Variants in ARMC3 observed in about 807,000 individuals in gnomAD.
The protein encoded by ARMC3 is armadillo repeat-containing protein 3.
ARMC3 carries 74 observed loss-of-function variants against 90.3 expected under a neutral mutation model. The observed-to-expected ratio is 0.82, with a 90% CI of 0.68 to 0.99. ARMC3 has a LOEUF of 0.99. ARMC3 is among the 50% of genes least tolerant of loss of function. ARMC3 has a pLI of 0.00. For synonymous variants in ARMC3, 334 were observed against 361.8 expected, an observed-to-expected ratio of 0.92 and a Z score of 0.87; for missense variants, 958 against 1,042.8, an observed-to-expected ratio of 0.92 and a Z score of 1.12.
chr10:22,981,593 A>G lies in ARMC3; in HGVS notation c.1070-2A>G. The G allele has an allele frequency of 6.2e-7, 1 of 1,614,030 alleles. No individual in the cohort carries two copies. Among genetic ancestry groups the G allele is most frequent in the Non-Finnish European group, 8.5e-7 (1 of 1,179,922 alleles). ...CACATTTTTACCTTTCTCTTTCTGT[A>G]GGGATTCCACAGTTAATTCAGTTGC... On this transcript the variant is annotated splice_acceptor_variant, in intron 9 of 18. Coordinates refer to ENST00000298032, the MANE Select transcript of ARMC3 (RefSeq NM_173081.5). LOFTEE classifies it high-confidence loss of function.
chr10:23,012,392 CAGG>C lies in ARMC3; in HGVS notation c.2045+3464_2045+3466del, dbSNP rs1838057293. 2.6e-5 allele frequency among the ~76,000 whole-genome samples: 4 copies of C among 152,096 alleles called. 1 individual carries two copies. The South Asian group carries it at 8.3e-4, about 32-fold the overall frequency. ...CAATACCGTAAATATCAATGTTCTC[CAGG>C]AGTAGTACTCCTGTTCCTACTCTCC... On this transcript the variant is annotated intron_variant, in intron 16 of 18. Coordinates refer to ENST00000298032, the MANE Select transcript of ARMC3 (RefSeq NM_173081.5).
At chr10:22,983,129 C>CA (rs1168486417) in intron 10 of ARMC3, among the ~76,000 whole-genome samples, 3 of 150,680 alleles carry the variant, frequency 2.0e-5, no homozygotes, top group Admixed American at 6.6e-5. Context: ...TCACATGGTG[C>CA]AAAAAAAAAT....
At chr10:22,934,239 G>A (rs1049749037) in intron 2 of ARMC3, among the ~76,000 whole-genome samples, 1 of 152,172 alleles carries the variant, frequency 6.6e-6, no homozygotes, top group African/African-American at 2.4e-5. Flanking sequence ...AATAAAGACA[G>A]TAAGAAAAGT....
intron 16 of ARMC3, among the ~76,000 whole-genome samples, chr10:23,017,449 A>G (rs1838323939): frequency 6.6e-6 from 1 of 152,178 alleles, no homozygotes; most frequent in Admixed American, 6.6e-5. Context: ...AGTGTAACAG[A>G]TGCTCAATAT....
intron 17 of ARMC3, among the ~76,000 whole-genome samples, chr10:23,031,975 G>A (rs1259415919): frequency 6.6e-6 from 1 of 152,114 alleles, no homozygotes; most frequent in Non-Finnish European, 1.5e-5. Context: ...ATTTGGGCCA[G>A]GCACGCTAGC....
chr10:22,932,255 A>G (rs1015495982), intron 2 of ARMC3, among the ~76,000 whole-genome samples: 1 of 152,212 alleles, frequency 6.6e-6, no homozygotes, highest in Non-Finnish European at 1.5e-5. Flanking sequence ...ATTAGAGAGT[A>G]ATTATTAGCT....
intron 11 of ARMC3, among the ~76,000 whole-genome samples, chr10:23,000,914 C>G (rs1837253208): frequency 6.6e-6 from 1 of 152,074 alleles, no homozygotes; most frequent in African/African-American, 2.4e-5. Flanking sequence ...AGAACTCTGC[C>G]CAATCTTTTT....
chr10:22,944,338 C>T (rs1038992449), intron 2 of ARMC3, among the ~76,000 whole-genome samples: 1 of 152,122 alleles, frequency 6.6e-6, no homozygotes, highest in African/African-American at 2.4e-5. Context: ...ATTTTATCCA[C>T]CATAAACAAA....
chr10:23,036,921 A>T (rs959317173), intron 18 of ARMC3, among the ~76,000 whole-genome samples: 5 of 152,212 alleles, frequency 3.3e-5, no homozygotes, highest in Admixed American at 3.3e-4. Flanking sequence ...TTTCACAGCC[A>T]GGGAGAGCCC....
chr10:22,973,571 A>C (rs1835767965), intron 8 of ARMC3, among the ~76,000 whole-genome samples: 1 of 151,090 alleles, frequency 6.6e-6, no homozygotes, highest in Non-Finnish European at 1.5e-5. Context: ...CTGAATAGAC[A>C]AAAAGATATA....
chr10:22,959,708 T>C, intron 6 of ARMC3, 134 bp downstream of exon 6: 3 of 865,076 alleles, frequency 3.5e-6, no homozygotes, highest in Non-Finnish European at 5.3e-6. Flanking sequence ...GTATTTATCA[T>C]TCAGAGAAAA....
Position 22,959,447 on chromosome 10 carries a change from C to G in ARMC3, c.410C>G (p.Ser137Cys), listed in dbSNP as rs1448511758. Reference sequence around the variant, plus strand: ...GCTAGTCTTTGTCTAGCAAACATGTCTGCAGAGTACACCAGTAAAGTGCAA... The same window carrying G: ...GCTAGTCTTTGTCTAGCAAACATGTGTGCAGAGTACACCAGTAAAGTGCAA... ...EFASLCLANM[S>C]AEYTSKVQIF... The change falls in exon 6 of 19, where the codon TCT becomes TGT. Residue 137 changes from serine to cysteine, a missense_variant. Coordinates refer to ENST00000298032, the MANE Select transcript of ARMC3 (RefSeq NM_173081.5). 1 of 1,613,172 alleles carries G rather than the reference C, an allele frequency of 6.2e-7. No homozygotes were observed. Among genetic ancestry groups the G allele is most frequent in the African/African-American group, 1.3e-5 (1 of 74,968 alleles).
chr10:23,030,621 G>C lies in ARMC3; in HGVS notation c.2071G>C (p.Glu691Gln). The change falls in exon 17 of 19, where the codon GAA (glutamate) becomes CAA (glutamine). Residue 691 changes from glutamate to glutamine, a missense_variant. Physicochemically the swap from Glu to Gln is conservative, Grantham distance 29. Coordinates refer to ENST00000298032, the MANE Select transcript of ARMC3 (RefSeq NM_173081.5). ...WRKSKGKKEE[E>Q]KVKEEEEVMV... ...GAAAAGCAAAGGAAAAAAAGAAGAGGAAAAAGTGAAAGAGGAGGAAGAGGT... is the reference window on the plus strand; with the variant it reads ...GAAAAGCAAAGGAAAAAAAGAAGAGCAAAAAGTGAAAGAGGAGGAAGAGGT... The C allele has an allele frequency of 2.5e-6, 4 of 1,613,360 alleles. No homozygotes were observed. Among genetic ancestry groups the C allele is most frequent in the Non-Finnish European group, 3.4e-6 (4 of 1,179,676 alleles).
rs181354841 is a variant in ARMC3, at chr10:22,964,045, T to C, written c.732+1967T>C. ...TCTTAAGAAGACTACAGAAACTTAC[T>C]AGAACTAATAAATAGATCTATCGAG... is the stretch of plus-strand genomic sequence containing the variant. On this transcript the variant is annotated intron_variant, in intron 7 of 18. Coordinates refer to ENST00000298032, the MANE Select transcript of ARMC3 (RefSeq NM_173081.5). Among the ~76,000 whole-genome samples the C allele has an allele frequency of 7.8e-4, 118 of 151,528 alleles. 3 individuals carry two copies. Among genetic ancestry groups the C allele is most frequent in the Admixed American group, 7.8e-3 (118 of 15,168 alleles).
At chr10:22,973,670 A>G (rs1199509136) in intron 8 of ARMC3, among the ~76,000 whole-genome samples, 1 of 150,016 alleles carries the variant, frequency 6.7e-6, no homozygotes, top group African/African-American at 2.4e-5. Context: ...TAGCTATATG[A>G]TCTGTCACAG....
intron 2 of ARMC3, among the ~76,000 whole-genome samples, chr10:22,939,712 TA>T (rs1226958522): frequency 2.6e-5 from 4 of 152,142 alleles, no homozygotes; most frequent in African/African-American, 4.8e-5. Flanking sequence ...CTCAGCTACA[TA>T]ATTTTCACAA....
At chr10:22,973,711 T>C (rs1835776983) in intron 8 of ARMC3, among the ~76,000 whole-genome samples, 1 of 150,938 alleles carries the variant, frequency 6.6e-6, no homozygotes, top group African/African-American at 2.4e-5. Context: ...AGTTTCCCAC[T>C]ATATTATTTT....
intron 2 of ARMC3, among the ~76,000 whole-genome samples, chr10:22,938,696 A>G (rs1234833412): frequency 6.6e-6 from 1 of 152,196 alleles, no homozygotes; most frequent in African/African-American, 2.4e-5. Flanking sequence ...AATGGAGTGA[A>G]TGGAAGTACA....
chr10:22,931,250 G>T (rs149208137), intron 1 of ARMC3, among the ~76,000 whole-genome samples: 19 of 152,192 alleles, frequency 1.2e-4, no homozygotes, highest in African/African-American at 4.6e-4. Context: ...AACCCAGGCT[G>T]GTTACTCCTC....
Sources: gnomAD v4.1 joint callset for allele counts (sites outside exome capture counted in the v4.1 genomes callset) on GRCh38, gnomAD v4.1.1 for gene constraint, MANE v1.5 for transcripts, NCBI Gene and HGNC (gene_info 2026-07-23, HGNC 2026-07-21) for gene names.